FOXP2: variants seen among roughly 807,000 people sequenced by gnomAD.
FOXP2 encodes forkhead box P2, also known as forkhead box protein P2.
Under a neutral mutation model 115.8 loss-of-function variants are expected in FOXP2, and 12 were observed. The ratio of observed to expected loss-of-function variants is 0.10; its 90% CI spans 0.07 to 0.17. The LOEUF is 0.17. Ranked by LOEUF, FOXP2 falls within the 10% of genes least tolerant of loss-of-function variation. The pLI is 1.00. For synonymous variants in FOXP2, 328 were observed against 297.7 expected (o/e 1.10, Z -1.05); for missense variants, 629 against 843.5 (o/e 0.75, Z 3.15).
chr7:114,313,257 A>T (rs529667347), intron 2 of FOXP2, among the ~76,000 whole-genome samples: 1 of 152,210 alleles, frequency 6.6e-6, no homozygotes, highest in South Asian at 2.1e-4. Context: ...CTCTTCTGTG[A>T]TGAATTATTT....
At chr7:114,550,386 G>A (rs1800149139) in intron 3 of FOXP2, among the ~76,000 whole-genome samples, 1 of 152,046 alleles carries the variant, frequency 6.6e-6, no homozygotes, top group Non-Finnish European at 1.5e-5. Flanking sequence ...AAAGTGCTGG[G>A]ATTACAGGCG....
intron 2 of FOXP2, among the ~76,000 whole-genome samples, chr7:114,304,049 T>C (rs1796943544): frequency 6.6e-6 from 1 of 152,176 alleles, no homozygotes. Context: ...CATTGTAGTC[T>C]GTAATAACAA....
intron 2 of FOXP2, among the ~76,000 whole-genome samples, chr7:114,318,421 A>G (rs1399806146): frequency 6.9e-6 from 1 of 144,940 alleles, no homozygotes. Context: ...TTTATTTTAA[A>G]TTCAGATTAT....
chr7:114,145,923 G>A (rs1014255622), intron 1 of FOXP2, among the ~76,000 whole-genome samples: 6 of 152,074 alleles, frequency 3.9e-5, no homozygotes, highest in African/African-American at 9.7e-5. Context: ...CATAGGACTT[G>A]ATTAAAGTAT....
intron 3 of FOXP2, among the ~76,000 whole-genome samples, chr7:114,627,108 C>T: frequency 6.7e-6 from 1 of 149,774 alleles, no homozygotes. Flanking sequence ...TTCTTTATTT[C>T]TTTTTGGAGG....
At chr7:114,128,581 A>G (rs1791784001) in intron 1 of FOXP2, among the ~76,000 whole-genome samples, 1 of 151,946 alleles carries the variant, frequency 6.6e-6, no homozygotes, top group South Asian at 2.1e-4. Context: ...TTTCCCTCAA[A>G]TAACTCACTA....
intron 1 of FOXP2, among the ~76,000 whole-genome samples, chr7:114,186,891 G>A (rs1387682649): frequency 2.0e-5 from 3 of 152,148 alleles, no homozygotes; most frequent in Admixed American, 6.5e-5. Flanking sequence ...TCGGGGAGCC[G>A]AGAGATGTGC....
intron 2 of FOXP2, among the ~76,000 whole-genome samples, chr7:114,354,404 A>G (rs1791565350): frequency 6.6e-6 from 1 of 152,046 alleles, no homozygotes; most frequent in South Asian, 2.1e-4. Context: ...TAAAACCTTC[A>G]TATCTATATC....
chr7:114,407,227 T>C (rs1449512639), intron 2 of FOXP2, among the ~76,000 whole-genome samples: 1 of 152,026 alleles, frequency 6.6e-6, no homozygotes, highest in African/African-American at 2.4e-5. Flanking sequence ...CATAAATAAA[T>C]AGTAAATAAA....
At chr7:114,290,817 T>G (rs1461057703) in intron 2 of FOXP2, among the ~76,000 whole-genome samples, 1 of 152,134 alleles carries the variant, frequency 6.6e-6, no homozygotes, top group Non-Finnish European at 1.5e-5. Flanking sequence ...TCTTTTACGC[T>G]TAATTTGTCA....
intron 1 of FOXP2, among the ~76,000 whole-genome samples, chr7:114,235,049 A>ACTC (rs1251507663): frequency 6.6e-6 from 1 of 152,134 alleles, no homozygotes; most frequent in Non-Finnish European, 1.5e-5. Context: ...TACTGTATAT[A>ACTC]ACCTTCAATG....
chr7:114,435,555 G>A (rs1426918031), intron 2 of FOXP2, among the ~76,000 whole-genome samples: 1 of 152,068 alleles, frequency 6.6e-6, no homozygotes, highest in Non-Finnish European at 1.5e-5. Flanking sequence ...TGTTTGTTTT[G>A]AGATGGAGTA....
chr7:114,273,374 G>T (rs1182112298), intron 1 of FOXP2, among the ~76,000 whole-genome samples: 1 of 151,940 alleles, frequency 6.6e-6, no homozygotes, highest in Non-Finnish European at 1.5e-5. Flanking sequence ...AGTCTATCTT[G>T]GTGAGTGTTC....
Position 114,176,228 on chromosome 7 carries a change from TG to T in FOXP2, c.-102+13141del, listed in dbSNP as rs1562992718. 6.1e-4 allele frequency among the ~76,000 whole-genome samples: 91 copies of T among 148,948 alleles called. 1 individual carries two copies. Among genetic ancestry groups the T allele is most frequent in the Middle Eastern group, 3.5e-3 (1 of 288 alleles). ...TGTCTTGTCTTGTCTTGTCTTGTCT[TG>T]TCTTTTCTTTCTTTCTTTCTCTCTC... On this transcript the variant is annotated intron_variant, in intron 1 of 17. Transcript: ENST00000634411.
chr7:114,140,722 G>T lies in FOXP2; in HGVS notation c.-246-22222G>T, dbSNP rs1792184389. On this transcript the variant is annotated intron_variant, in intron 1 of 19. Coordinates refer to the FOXP2 transcript ENST00000635638. ...GCCGCCACACACAAAGGAAATGATG[G>T]TATTTGGAGAACAGCTTGGGTTAAC... Among the ~76,000 whole-genome samples the T allele has an allele frequency of 1.3e-5, 2 of 152,190 alleles. 1 individual carries two copies. Among genetic ancestry groups the T allele is most frequent in the South Asian group, 4.1e-4 (2 of 4,836 alleles).
rs556180400 is a variant in FOXP2, at chr7:114,302,353, A to T, written c.-11+14244A>T. 2.6e-5 allele frequency among the ~76,000 whole-genome samples: 4 copies of T among 152,252 alleles called. No individual in the cohort carries two copies. The South Asian group carries it at 6.2e-4, about 24-fold the overall frequency. ...TTTATAAATTTATATATATGTACAAATATTCATGTATTAATGAAAACCTAT... is the reference window on the plus strand; with the variant it reads ...TTTATAAATTTATATATATGTACAATTATTCATGTATTAATGAAAACCTAT... On this transcript the variant is annotated intron_variant, in intron 2 of 17. Coordinates refer to the FOXP2 transcript ENST00000634411.
chr7:114,641,634 G>T (rs774550454), intron 6 of FOXP2, among the ~76,000 whole-genome samples: 92 of 151,552 alleles, frequency 6.1e-4, no homozygotes, highest in Non-Finnish European at 1.2e-3. Context: ...TGGCATTTTT[G>T]TTTTCCCTTT....
intron 2 of FOXP2, among the ~76,000 whole-genome samples, chr7:114,362,173 C>A (rs1185952416): frequency 6.6e-6 from 1 of 151,974 alleles, no homozygotes; most frequent in East Asian, 1.9e-4. Flanking sequence ...AATTGAGATT[C>A]ATAATCATGA....
At chr7:114,627,667 T>G (rs1482947661) in intron 3 of FOXP2, among the ~76,000 whole-genome samples, 1 of 152,114 alleles carries the variant, frequency 6.6e-6, no homozygotes, top group African/African-American at 2.4e-5. Context: ...CTTTTTCTCC[T>G]TCCCTATCTT....
Sources: allele counts gnomAD v4.1 joint callset (sites outside exome capture counted in the v4.1 genomes callset), GRCh38; gene constraint gnomAD v4.1.1; transcripts MANE v1.5; gene names NCBI Gene and HGNC (gene_info 2026-07-23, HGNC 2026-07-21).